Variants in GPC6 observed in about 807,000 individuals in gnomAD.
The protein encoded by GPC6 is glypican-6.
GPC6 carries 14 observed loss-of-function variants against 55.2 expected under a neutral mutation model. The ratio of observed to expected loss-of-function variants is 0.25; its 90% CI spans 0.17 to 0.40. The LOEUF (loss-of-function observed/expected upper bound fraction) is 0.40. Ranked by LOEUF, GPC6 falls within the 10% of genes least tolerant of loss-of-function variation. The pLI, the probability that GPC6 is intolerant of heterozygous loss-of-function variation, is 1.00. For synonymous variants in GPC6, 278 were observed against 259.6 expected (o/e 1.07, Z -0.68); for missense variants, 641 against 708.5 (o/e 0.90, Z 1.08).
chr13:93,286,860 C>T (rs1878145051), intron 1 of GPC6, among the ~76,000 whole-genome samples: 1 of 152,088 alleles, frequency 6.6e-6, no homozygotes, highest in African/African-American at 2.4e-5. Context: ...ACAAGTTGAA[C>T]ATTGGCATTC....
At chr13:94,000,067 T>G (rs1334797826) in intron 3 of GPC6, among the ~76,000 whole-genome samples, 1 of 152,156 alleles carries the variant, frequency 6.6e-6, no homozygotes, top group East Asian at 1.9e-4. Context: ...TGCGTGGATA[T>G]TTTATACTTC....
intron 6 of GPC6, among the ~76,000 whole-genome samples, chr13:94,350,281 G>A (rs1248939173): frequency 6.6e-5 from 10 of 151,826 alleles, no homozygotes; most frequent in East Asian, 1.9e-4. Flanking sequence ...GGAGAGTTTC[G>A]AAAAATCTCA....
intron 4 of GPC6, among the ~76,000 whole-genome samples, chr13:94,264,407 T>A (rs1891733809): frequency 6.6e-6 from 1 of 152,214 alleles, no homozygotes; most frequent in Admixed American, 6.5e-5. Flanking sequence ...TGGAAGTAGG[T>A]CGTTACCCTT....
At chr13:93,651,757 G>A (rs1203542042) in intron 2 of GPC6, among the ~76,000 whole-genome samples, 1 of 152,202 alleles carries the variant, frequency 6.6e-6, no homozygotes, top group African/African-American at 2.4e-5. Flanking sequence ...AAGGTATGTT[G>A]CTCCACAAGC....
intron 1 of GPC6, among the ~76,000 whole-genome samples, chr13:93,452,917 T>G (rs1566365193): frequency 1.3e-5 from 2 of 152,218 alleles, no homozygotes. Flanking sequence ...TGTCACTGGT[T>G]CATTTCCCCA....
At chr13:93,883,703 T>G (rs1485042285) in intron 3 of GPC6, among the ~76,000 whole-genome samples, 1 of 152,134 alleles carries the variant, frequency 6.6e-6, no homozygotes, top group East Asian at 1.9e-4. Context: ...TCATGTCATT[T>G]TGTCCCTCTT....
At chr13:93,298,076 C>G (rs1240336030) in intron 1 of GPC6, among the ~76,000 whole-genome samples, 2 of 152,324 alleles carry the variant, frequency 1.3e-5, no homozygotes, top group East Asian at 3.9e-4. Context: ...CAGAGTCACA[C>G]ATTCTGACAT....
At chr13:94,331,409 G>A (rs961222623) in intron 6 of GPC6, among the ~76,000 whole-genome samples, 2 of 152,042 alleles carry the variant, frequency 1.3e-5, no homozygotes, top group East Asian at 1.9e-4. Flanking sequence ...ATGAGGCCAG[G>A]GTTGAGTGAT....
chr13:93,678,696 T>C (rs1301197988), intron 2 of GPC6, among the ~76,000 whole-genome samples: 1 of 152,154 alleles, frequency 6.6e-6, no homozygotes, highest in Non-Finnish European at 1.5e-5. Flanking sequence ...TTCAGGAAAT[T>C]CTACCCTATA....
At chr13:93,714,511 G>A (rs888431354) in intron 2 of GPC6, among the ~76,000 whole-genome samples, 1 of 151,830 alleles carries the variant, frequency 6.6e-6, no homozygotes, top group Admixed American at 6.6e-5. Context: ...TGGCCACTGT[G>A]GAAAGCAGTT....
chr13:93,851,752 T>A (rs1359329710), intron 3 of GPC6, among the ~76,000 whole-genome samples: 1 of 151,836 alleles, frequency 6.6e-6, no homozygotes, highest in Non-Finnish European at 1.5e-5. Context: ...GAATCTAGTA[T>A]ATCAAATCGC....
chr13:93,853,824 T>C (rs1888505243), intron 3 of GPC6, among the ~76,000 whole-genome samples: 1 of 151,128 alleles, frequency 6.6e-6, no homozygotes, highest in Non-Finnish European at 1.5e-5. Context: ...ATTTGTGTTA[T>C]TGTTGTCCTC....
At chr13:94,243,136 A>G (rs1891103258) in intron 4 of GPC6, among the ~76,000 whole-genome samples, 1 of 152,086 alleles carries the variant, frequency 6.6e-6, no homozygotes, top group African/African-American at 2.4e-5. Context: ...GCTTTATCTT[A>G]TATTTCCATA....
chr13:94,189,177 T>C (rs1476383022), intron 4 of GPC6, among the ~76,000 whole-genome samples: 1 of 152,142 alleles, frequency 6.6e-6, no homozygotes, highest in Admixed American at 6.5e-5. Context: ...GTTTTCTTCC[T>C]TATTCTTTGT....
At chr13:94,209,077 G>A (rs1483470409) in intron 4 of GPC6, among the ~76,000 whole-genome samples, 1 of 152,094 alleles carries the variant, frequency 6.6e-6, no homozygotes, top group African/African-American at 2.4e-5. Context: ...ATAGGTATGT[G>A]TAATATTTTA....
chr13:94,241,291 A>G (rs1195269431), intron 4 of GPC6, among the ~76,000 whole-genome samples: 1 of 152,096 alleles, frequency 6.6e-6, no homozygotes. Context: ...CACCTACTTT[A>G]TGGTATTCTA....
At chr13:93,645,210 A>G (rs997167291) in intron 2 of GPC6, among the ~76,000 whole-genome samples, 1 of 151,712 alleles carries the variant, frequency 6.6e-6, no homozygotes, top group African/African-American at 2.4e-5. Context: ...TTAATTTTTC[A>G]TGATACCTTA....
At chr13:94,011,990 A>G (rs966531119) in intron 3 of GPC6, among the ~76,000 whole-genome samples, 1 of 152,158 alleles carries the variant, frequency 6.6e-6, no homozygotes, top group Non-Finnish European at 1.5e-5. Flanking sequence ...GAAGAAGAAC[A>G]TTTTTTTCTT....
At chr13:94,364,290 C>A (rs1338764228) in intron 6 of GPC6, among the ~76,000 whole-genome samples, 6 of 152,170 alleles carry the variant, frequency 3.9e-5, no homozygotes, top group Admixed American at 3.3e-4. Context: ...GAAAGTCAAG[C>A]AAAATTATGT....
Sources: allele counts gnomAD v4.1 joint callset (sites outside exome capture counted in the v4.1 genomes callset), GRCh38; gene constraint gnomAD v4.1.1; transcripts MANE v1.5; gene names NCBI Gene and HGNC (gene_info 2026-07-23, HGNC 2026-07-21).